The following C19orf81 variants were observed in gnomAD, a reference collection of about 807,000 sequenced individuals.
C19orf81 encodes putative uncharacterized protein C19orf81.
C19orf81 carries 19 observed loss-of-function variants against 22.1 expected under a neutral mutation model. The ratio of observed to expected loss-of-function variants is 0.86; its 90% CI spans 0.60 to 1.26. The LOEUF (loss-of-function observed/expected upper bound fraction) is 1.26. Ranked by LOEUF, C19orf81 falls within the 50% of genes most tolerant of loss-of-function variation. C19orf81 has a pLI of 0.00. For synonymous variants in C19orf81, 108 were observed against 113.1 expected (o/e 0.95, Z 0.29); for missense variants, 287 against 280.7 (o/e 1.02, Z -0.16).
At chr19:50,653,178 C>T (rs1984914783) in intron 1 of C19orf81, among the ~76,000 whole-genome samples, 1 of 152,084 alleles carries the variant, frequency 6.6e-6, no homozygotes, top group South Asian at 2.1e-4. Context: ...CCTAAGACTA[C>T]AGGTGCGCGC....
chr19:50,658,061 G>A lies in C19orf81; in HGVS notation c.334G>A (p.Gly112Arg). Residue 112 changes from glycine (G) to arginine (R), a missense_variant, in exon 4 of 5, where the codon GGG (glycine) becomes AGG (arginine). Coordinates refer to ENST00000425202, the MANE Select transcript of C19orf81 (RefSeq NM_001195076.2). Reference protein sequence around the residue: ...EAQLPGAMESGRVSSIRFENM... With the variant: ...EAQLPGAMESRRVSSIRFENM... ...CCAGTTACCAGGGGCCATGGAGAGCGGGCGCGTGAGCAGCATCCGCTTTGA... is the reference window on the plus strand; with the variant it reads ...CCAGTTACCAGGGGCCATGGAGAGCAGGCGCGTGAGCAGCATCCGCTTTGA... The A allele has an allele frequency of 1.3e-6, 2 of 1,536,064 alleles. No individual in the cohort carries two copies. The highest frequency in any genetic ancestry group is 2.4e-5 in the South Asian group (2 of 84,030).
intron 1 of C19orf81, among the ~76,000 whole-genome samples, chr19:50,653,597 A>G (rs1170409417): frequency 6.6e-6 from 1 of 151,754 alleles, no homozygotes; most frequent in Non-Finnish European, 1.5e-5. Context: ...AGTGTGCAGG[A>G]GAGCCCGTTG....
intron 1 of C19orf81, among the ~76,000 whole-genome samples, chr19:50,651,403 C>T (rs939198680): frequency 6.6e-6 from 1 of 152,116 alleles, no homozygotes; most frequent in African/African-American, 2.4e-5. Context: ...GAGAGCCTTC[C>T]CTGATTGCCC....
Position 50,658,121 on chromosome 19 carries a change from C to A in C19orf81, c.394C>A (p.Arg132=). The A allele has an allele frequency of 6.5e-7, 1 of 1,532,586 alleles. No homozygotes were observed. The highest frequency in any genetic ancestry group is 8.7e-7 in the Non-Finnish European group (1 of 1,145,300). The allele number at this position is 1,532,586 out of a possible 1,614,324, so 94.9% of individuals were successfully genotyped here. A position where few individuals can be genotyped will look rare whatever the true frequency, so the allele number is the denominator to read the frequency against. The part of the protein sequence containing the change: ...MNVICGTAGR[R]NRWLIAVTDF... ...CGTCATCTGTGGGACTGCTGGGCGC[C>A]GGAACCGGTGAGTAAGCGGCGGGGG... The change falls in exon 4 of 5, where the codon CGG becomes AGG. Residue 132 remains arginine, a synonymous_variant. Coordinates refer to ENST00000425202, the MANE Select transcript of C19orf81 (RefSeq NM_001195076.2).
chr19:50,652,551 C>G (rs1185038823), intron 1 of C19orf81, among the ~76,000 whole-genome samples: 1 of 152,158 alleles, frequency 6.6e-6, no homozygotes, highest in Non-Finnish European at 1.5e-5. Flanking sequence ...CAAGATCCTG[C>G]AGCAGGAGGG....
intron 1 of C19orf81, among the ~76,000 whole-genome samples, chr19:50,655,779 C>G (rs887499041): frequency 6.6e-6 from 1 of 152,226 alleles, no homozygotes; most frequent in Non-Finnish European, 1.5e-5. Flanking sequence ...CCTGCTTCCT[C>G]CTGCCTTGCA....
At chr19:50,656,594 A>G (rs1293037851) in intron 3 of C19orf81, among the ~76,000 whole-genome samples, 1 of 152,068 alleles carries the variant, frequency 6.6e-6, no homozygotes, top group Admixed American at 6.6e-5. Context: ...GCAGGGAGGG[A>G]GGACAAAAGG....
intron 1 of C19orf81, among the ~76,000 whole-genome samples, chr19:50,654,177 A>G (rs906401617): frequency 2.0e-5 from 3 of 152,090 alleles, no homozygotes; most frequent in African/African-American, 7.2e-5. Context: ...TTCAGCAGCT[A>G]TAACAAAGAC....
intron 4 of C19orf81, 40 bp from the exon 5 acceptor site, chr19:50,658,907 C>G (rs1044886610): frequency 1.4e-6 from 2 of 1,395,214 alleles, no homozygotes; most frequent in African/African-American, 3.0e-5. Flanking sequence ...AGGGCTGAAA[C>G]GACCTGCGAG....
chr19:50,658,871 G>T, intron 4 of C19orf81, 76 bp from the exon 5 acceptor site: 1 of 1,294,060 alleles, frequency 7.7e-7, no homozygotes, highest in Non-Finnish European at 1.0e-6. Flanking sequence ...CAGGGACCAG[G>T]CAGGGACTCT....
chr19:50,650,576 C>T (rs1984854885), intron 1 of C19orf81, among the ~76,000 whole-genome samples: 1 of 152,256 alleles, frequency 6.6e-6, no homozygotes, highest in South Asian at 2.1e-4. Context: ...GAGGCTGAGG[C>T]AGGAGAATCG....
At chr19:50,653,702 A>G (rs973501721) in intron 1 of C19orf81, among the ~76,000 whole-genome samples, 3 of 138,906 alleles carry the variant, frequency 2.2e-5, no homozygotes, top group Admixed American at 7.0e-5. Context: ...ACACACACAC[A>G]CACACACACA....
chr19:50,657,356 G>T (rs1985018398), intron 3 of C19orf81, among the ~76,000 whole-genome samples: 1 of 152,206 alleles, frequency 6.6e-6, no homozygotes, highest in Admixed American at 6.5e-5. Flanking sequence ...CTTTCTGGAA[G>T]TGACATCATT....
intron 1 of C19orf81, 82 bp downstream of exon 1, chr19:50,649,593 T>C: frequency 7.0e-7 from 1 of 1,426,332 alleles, no homozygotes. Flanking sequence ...CAGTGTGGCC[T>C]TAAGCGAGTC....
At chr19:50,650,294 T>C (rs965727422) in intron 1 of C19orf81, among the ~76,000 whole-genome samples, 2 of 152,256 alleles carry the variant, frequency 1.3e-5, no homozygotes, top group Admixed American at 6.5e-5. Flanking sequence ...CTCTGTGCTG[T>C]AGCACAGCTC....
intron 1 of C19orf81, chr19:50,649,806 A>G: frequency 3.7e-6 from 2 of 534,282 alleles, no homozygotes; most frequent in South Asian, 3.1e-5. Flanking sequence ...AGGTAACCTC[A>G]CTGTCTTGTC....
At chr19:50,652,933 TG>T (rs1984909024) in intron 1 of C19orf81, among the ~76,000 whole-genome samples, 1 of 152,232 alleles carries the variant, frequency 6.6e-6, no homozygotes, top group African/African-American at 2.4e-5. Flanking sequence ...TGTGTGACTT[TG>T]GGCAAGTCAC....
intron 1 of C19orf81, among the ~76,000 whole-genome samples, chr19:50,655,129 TTA>T (rs1984965316): frequency 6.6e-6 from 1 of 152,182 alleles, no homozygotes; most frequent in Non-Finnish European, 1.5e-5. Flanking sequence ...ATGGCCACAC[TTA>T]CCTGCAAGGG....
At chr19:50,653,107 G>A (rs535615638) in intron 1 of C19orf81, among the ~76,000 whole-genome samples, 4 of 152,090 alleles carry the variant, frequency 2.6e-5, no homozygotes, top group Non-Finnish European at 2.9e-5. Flanking sequence ...GCACGATCCC[G>A]GCTCACTGCA....
Sources: allele counts gnomAD v4.1 joint callset (sites outside exome capture counted in the v4.1 genomes callset), GRCh38; gene constraint gnomAD v4.1.1; transcripts MANE v1.5; gene names NCBI Gene and HGNC (gene_info 2026-07-23, HGNC 2026-07-21).